Variants in ZNF845 observed in about 807,000 individuals in gnomAD.
The protein encoded by ZNF845 is zinc finger protein 845.
A neutral mutation model predicts 76.1 loss-of-function variants in ZNF845; 59 were observed. The ratio of observed to expected loss-of-function variants is 0.78; its 90% CI spans 0.63 to 0.96. ZNF845 has a LOEUF of 0.96. Among genes scored for constraint, ZNF845 ranks in the 40% least tolerant of loss-of-function variants. ZNF845 has a pLI of 0.00. For synonymous variants in ZNF845, 361 were observed against 386.9 expected (o/e 0.93, Z 0.78); for missense variants, 1,045 against 1,172.8 (o/e 0.89, Z 1.59).
chr19:53,353,096 A>T lies in ZNF845; in HGVS notation c.2421A>T (p.Glu807Asp), dbSNP rs55874600. The T allele has an allele frequency of 0.37, 599,664 of 1,613,128 alleles. 118,773 individuals carry two copies. The highest frequency in any genetic ancestry group is 0.41 in the Non-Finnish European group (487,993 of 1,179,680). Residue 807 changes from glutamate (E) to aspartate (D), a missense_variant, in exon 4 of 4, where the codon GAA becomes GAT. Physicochemically the swap from Glu to Asp is conservative, Grantham distance 45. Coordinates refer to ENST00000458035, the MANE Select transcript of ZNF845 (RefSeq NM_138374.3). ...HTGEKPYKCN[E>D]CGKNFRHNSA... ...GAGAGAAACCTTACAAGTGTAATGA[A>T]TGTGGCAAGAACTTCCGTCACAATT...
In ZNF845 at chr19:53,341,255, T is replaced by C; in HGVS notation, c.-53T>C. ...TTCAGGATTGACTTCTAAAGACTCT[T>C]GGTACGTGAGGAAGAAACCCGGAAG... On this transcript the variant is annotated 5_prime_UTR_variant, in exon 2 of 4. Transcript: ENST00000458035. 2.0e-5 allele frequency: 32 copies of C among 1,610,354 alleles called. No individual in the cohort carries two copies. Among genetic ancestry groups the C allele is most frequent in the Non-Finnish European group, 2.7e-5 (32 of 1,176,884 alleles).
At chr19:53,337,201 T>C in intron 1 of ZNF845, 2 of 456,618 alleles carry the variant, frequency 4.4e-6, no homozygotes, top group Non-Finnish European at 8.8e-6. Flanking sequence ...CTGTCCCTGC[T>C]CTTACCCTGT....
intron 1 of ZNF845, among the ~76,000 whole-genome samples, chr19:53,340,653 A>G (rs1391674022): frequency 6.6e-6 from 1 of 152,236 alleles, no homozygotes; most frequent in Non-Finnish European, 1.5e-5. Context: ...TTGTAATATA[A>G]AGAAAAAATT....
chr19:53,352,392 C>T lies in ZNF845; in HGVS notation c.1717C>T (p.His573Tyr). The T allele has an allele frequency of 6.2e-7, 1 of 1,613,702 alleles. No homozygotes were observed. The highest frequency in any genetic ancestry group is 8.5e-7 in the Non-Finnish European group (1 of 1,179,806). ...AGCACTTATTTACCATCAAGCAATC[C>T]ATGGTATAGGGAAACTTTACAAATG... ...QSALIYHQAI[H>Y]GIGKLYKCND... The change falls in exon 4 of 4, where the codon CAT becomes TAT. Residue 573 changes from histidine to tyrosine, a missense_variant. By Grantham distance (83) the His-to-Tyr change is moderately conservative (BLOSUM62 2). Coordinates refer to ENST00000458035, the MANE Select transcript of ZNF845 (RefSeq NM_138374.3).
At position 53,351,734 on chromosome 19, in the gene ZNF845, A is replaced by G. The variant is rs2085338408; in HGVS notation, c.1059A>G (p.Lys353=). Residue 353 remains lysine, a synonymous_variant, in exon 4 of 4, where the codon AAA becomes AAG. Transcript: ENST00000458035. ...VYHRRLHTGE[K]PYKCEECDKA... ...ATCGTAGACTTCATACTGGAGAGAA[A>G]CCTTACAAATGTGAAGAATGTGACA... The G allele has an allele frequency of 6.2e-7, 1 of 1,614,138 alleles. No homozygotes were observed. Among genetic ancestry groups the G allele is most frequent in the Non-Finnish European group, 8.5e-7 (1 of 1,179,982 alleles).
intron 3 of ZNF845, among the ~76,000 whole-genome samples, 168 bp from the exon 4 acceptor site, chr19:53,350,650 A>C (rs1568740178): frequency 1.3e-5 from 2 of 152,190 alleles, no homozygotes; most frequent in African/African-American, 4.8e-5. Context: ...AAGTACATGT[A>C]ATCGCCCTTT....
chr19:53,345,651 C>T lies in ZNF845; in HGVS notation c.142+19C>T. ...TCCCTGGGTGAGGATAACTTCCCTCCAGAAGTGGGGATGTGCCCTTGTGTA... is the reference window on the plus strand; with the variant it reads ...TCCCTGGGTGAGGATAACTTCCCTCTAGAAGTGGGGATGTGCCCTTGTGTA... On this transcript the variant is annotated intron_variant, in intron 3 of 3. Transcript: ENST00000458035. The T allele has an allele frequency of 2.5e-6, 4 of 1,611,482 alleles. No homozygotes were observed. The highest frequency in any genetic ancestry group is 3.4e-6 in the Non-Finnish European group (4 of 1,179,220).
Position 53,351,795 on chromosome 19 carries a change from A to G in ZNF845, c.1120A>G (p.Arg374Gly). The G allele has an allele frequency of 6.2e-7, 1 of 1,613,882 alleles. No homozygotes were observed. The change falls in exon 4 of 4, where the codon AGG becomes GGG. Residue 374 changes from arginine (R) to glycine (G), a missense_variant. By Grantham distance (125) the Arg-to-Gly change is moderately radical. Coordinates refer to ENST00000458035, the MANE Select transcript of ZNF845 (RefSeq NM_138374.3). ...TTTCAAATCAAACCTTGAAAGACAT[A>G]GGAAAATTCATACTGGAGAGAAACC... is the stretch of plus-strand genomic sequence containing the variant. ...FSFKSNLERH[R>G]KIHTGEKPYK...
In ZNF845 at chr19:53,353,717, G is replaced by C; in HGVS notation, c.*129G>C. On this transcript the variant is annotated 3_prime_UTR_variant, in exon 4 of 4. Transcript: ENST00000458035. ...GAATCTTGGGCGTGATTCACACCTG[G>C]CCCAACAAACTAGAAGTCACACTGG... 1.3e-6 allele frequency: 2 copies of C among 1,524,094 alleles called. No individual in the cohort carries two copies. Among genetic ancestry groups the C allele is most frequent in the African/African-American group, 1.4e-5 (1 of 71,814 alleles). 94.4% of individuals were successfully genotyped at this position (1,524,094 alleles called of 1,614,324 possible).
At chr19:53,349,922 C>G (rs1012063040) in intron 3 of ZNF845, among the ~76,000 whole-genome samples, 1 of 152,036 alleles carries the variant, frequency 6.6e-6, no homozygotes, top group Non-Finnish European at 1.5e-5. Flanking sequence ...TTAATCCCAG[C>G]TACTCAGGAG....
intron 2 of ZNF845, among the ~76,000 whole-genome samples, chr19:53,343,800 C>T (rs945466729): frequency 6.6e-6 from 1 of 151,924 alleles, no homozygotes; most frequent in Non-Finnish European, 1.5e-5. Flanking sequence ...GATTTTCATA[C>T]TTTGAGTCAT....
At chr19:53,350,239 T>G (rs1451951470) in intron 3 of ZNF845, among the ~76,000 whole-genome samples, 1 of 152,114 alleles carries the variant, frequency 6.6e-6, no homozygotes, top group Non-Finnish European at 1.5e-5. Flanking sequence ...GCTCAAGCAA[T>G]TCTTGTGCCT....
intron 2 of ZNF845, among the ~76,000 whole-genome samples, chr19:53,341,699 T>G (rs1209023274): frequency 1.3e-5 from 2 of 152,204 alleles, no homozygotes; most frequent in Admixed American, 1.3e-4. Context: ...TGTATTCATG[T>G]GCACAAAGTA....
Position 53,352,762 on chromosome 19 carries a change from G to A in ZNF845, c.2087G>A (p.Cys696Tyr), listed in dbSNP as rs749240736. 1 of 1,614,046 alleles carries A rather than the reference G, an allele frequency of 6.2e-7. No homozygotes were observed. The part of the protein sequence containing the change: ...TGEKPYKCNE[C>Y]GKTFGRNSAL... ...GAGAAACCTTACAAGTGTAATGAGT[G>A]TGGCAAGACCTTCGGTCGAAATTCA... Residue 696 changes from cysteine to tyrosine, a missense_variant, in exon 4 of 4, where the codon TGT becomes TAT. Coordinates refer to ENST00000458035, the MANE Select transcript of ZNF845 (RefSeq NM_138374.3).
intron 1 of ZNF845, among the ~76,000 whole-genome samples, chr19:53,340,420 C>T (rs2085248164): frequency 6.6e-6 from 1 of 152,152 alleles, no homozygotes; most frequent in Admixed American, 6.5e-5. Context: ...CTGAACGCTA[C>T]AGTCCTGTGT....
At position 53,354,170 on chromosome 19, in the gene ZNF845, C is replaced by A. The variant is rs78076459; in HGVS notation, c.*582C>A. ...GAATCCATACTGGACAGAAATCTTACAAATGTCATCAGTGTGGCAAGGTCT... is the reference window on the plus strand; with the variant it reads ...GAATCCATACTGGACAGAAATCTTAAAAATGTCATCAGTGTGGCAAGGTCT... On this transcript the variant is annotated 3_prime_UTR_variant, in exon 4 of 4. Transcript: ENST00000458035. 63 of 705,350 alleles carry A rather than the reference C, an allele frequency of 8.9e-5. No homozygotes were observed. In the East Asian group the frequency reaches 3.1e-3, roughly 35 times the overall value. 43.7% of individuals were successfully genotyped at this position (705,350 alleles called of 1,614,324 possible). A position where few individuals can be genotyped will look rare whatever the true frequency, so the allele number is the denominator to read the frequency against.
chr19:53,353,275 T>G lies in ZNF845; in HGVS notation c.2600T>G (p.Val867Gly). 1.9e-6 allele frequency: 3 copies of G among 1,613,040 alleles called. No homozygotes were observed. Among genetic ancestry groups the G allele is most frequent in the East Asian group, 4.5e-5 (2 of 44,818 alleles). The part of the protein sequence containing the change: ...KPYKCSECGK[V>G]FNRKANLSRH... ...TACAAGTGTAGTGAATGTGGCAAGG[T>G]TTTTAATAGAAAAGCAAACCTTTCA... is the stretch of plus-strand genomic sequence containing the variant. The change falls in exon 4 of 4, where the codon GTT becomes GGT. Residue 867 changes from valine to glycine, a missense_variant. Coordinates refer to ENST00000458035, the MANE Select transcript of ZNF845 (RefSeq NM_138374.3).
At chr19:53,350,466 A>G (rs1391218520) in intron 3 of ZNF845, among the ~76,000 whole-genome samples, 1 of 152,250 alleles carries the variant, frequency 6.6e-6, no homozygotes, top group Non-Finnish European at 1.5e-5. Context: ...TGCTGTAAAT[A>G]TGAAGAATAT....
intron 1 of ZNF845, among the ~76,000 whole-genome samples, chr19:53,336,633 C>CTTTTTTTTTTTTTTTTTTTTTT (rs398035035): frequency 4.3e-5 from 4 of 92,448 alleles, no homozygotes; most frequent in African/African-American, 9.1e-5. Context: ...TTCTTTCTTT[C>CTTTTTTTTTTTTTTTTTTTTTT]TTTTTTTTTT....
Sources: allele counts gnomAD v4.1 joint callset (sites outside exome capture counted in the v4.1 genomes callset), GRCh38; gene constraint gnomAD v4.1.1; transcripts MANE v1.5; gene names NCBI Gene and HGNC (gene_info 2026-07-23, HGNC 2026-07-21).